Variants in KCNH7 observed in about 807,000 individuals in gnomAD.
KCNH7 encodes the protein potassium voltage-gated channel subfamily H member 7.
KCNH7 carries 49 observed loss-of-function variants against 120.8 expected under a neutral mutation model. The ratio of observed to expected loss-of-function variants is 0.41; its 90% confidence interval spans 0.32 to 0.51. The LOEUF (loss-of-function observed/expected upper bound fraction) is 0.51. Ranked by LOEUF, KCNH7 falls within the 20% of genes least tolerant of loss-of-function variation. KCNH7 has a pLI of 0.38. For synonymous variants in KCNH7, 547 were observed against 516.1 expected, an observed-to-expected ratio of 1.06 and a Z score of -0.81; for missense variants, 1,097 against 1,446.6, an observed-to-expected ratio of 0.76 and a Z score of 3.92.
intron 2 of KCNH7, among the ~76,000 whole-genome samples, chr2:162,803,950 G>GT (rs1684439831): frequency 6.6e-6 from 1 of 151,572 alleles, no homozygotes; most frequent in African/African-American, 2.4e-5. Context: ...GTACTCCAAA[G>GT]TATTTTAAAA....
chr2:162,408,112 A>T lies in KCNH7; in HGVS notation c.2155-7671T>A, dbSNP rs13393999. Among the ~76,000 whole-genome samples the T allele has an allele frequency of 4.2e-3, 633 of 152,164 alleles. 2 individuals carry two copies. The highest frequency in any genetic ancestry group is 0.014 in the African/African-American group (599 of 41,562). On this transcript the variant is annotated intron_variant, in intron 9 of 15. Transcript: ENST00000332142. ...TCCAAACTTACTCCAGGGCTCCTTCAACCATTTTGACTCGCCATTGCTGTC... is the reference window on the plus strand; with the variant it reads ...TCCAAACTTACTCCAGGGCTCCTTCTACCATTTTGACTCGCCATTGCTGTC...
chr2:162,592,386 T>C (rs1349339286), intron 2 of KCNH7, among the ~76,000 whole-genome samples: 1 of 152,040 alleles, frequency 6.6e-6, no homozygotes, highest in Non-Finnish European at 1.5e-5. Context: ...CTAGTAAATA[T>C]AGTTCCCAGA....
Position 162,690,687 on chromosome 2 carries a change from T to C in KCNH7, c.307+145850A>G, listed in dbSNP as rs189224241. 1.0e-3 allele frequency among the ~76,000 whole-genome samples: 157 copies of C among 151,908 alleles called. 1 individual carries two copies. Among genetic ancestry groups the C allele is most frequent in the Non-Finnish European group, 5.9e-5 (4 of 67,992 alleles). ...CTTTCTGCTGGCATCCTGGGACTTT[T>C]CTTTATACAACCCAACAAGGACAAA... is the stretch of plus-strand genomic sequence containing the variant. On this transcript the variant is annotated intron_variant, in intron 2 of 15. Coordinates refer to ENST00000332142, the MANE Select transcript of KCNH7 (RefSeq NM_033272.4).
rs374482300 is a variant in KCNH7, at chr2:162,470,163, C to T, written c.1129-23720G>A. Among the ~76,000 whole-genome samples, 115 of 152,150 alleles carry T rather than the reference C, an allele frequency of 7.6e-4. 3 individuals are homozygous for T. In the South Asian group the frequency reaches 0.016, roughly 21 times the overall value. On this transcript the variant is annotated intron_variant, in intron 6 of 15. Transcript: ENST00000332142. ...GAAGTGAGGAGTGTCTCTGCCTGGCCGCCCATCGTCTGGGATGTGAGGAGC... is the reference window on the plus strand; with the variant it reads ...GAAGTGAGGAGTGTCTCTGCCTGGCTGCCCATCGTCTGGGATGTGAGGAGC...
intron 2 of KCNH7, among the ~76,000 whole-genome samples, chr2:162,652,303 C>T (rs181846032): frequency 5.1e-4 from 78 of 152,152 alleles, no homozygotes; most frequent in African/African-American, 1.7e-3. Context: ...GATAATAATA[C>T]CATTTAGCAA....
intron 2 of KCNH7, among the ~76,000 whole-genome samples, chr2:162,579,404 A>G (rs1370200960): frequency 6.6e-6 from 1 of 152,050 alleles, no homozygotes; most frequent in East Asian, 1.9e-4. Flanking sequence ...ATGGAAGTGT[A>G]TGGAAAGAGC....
intron 2 of KCNH7, among the ~76,000 whole-genome samples, chr2:162,748,019 A>C (rs10168953): frequency 0.24 from 37,013 of 152,080 alleles, 6,852 homozygotes; most frequent in African/African-American, 0.5. Context: ...CTGAGAGCCA[A>C]AGCTAATGGT....
chr2:162,435,351 C>T lies in KCNH7; in HGVS notation c.1801G>A (p.Asp601Asn), dbSNP rs1252320722. Residue 601 changes from aspartate (D) to asparagine (N), a missense_variant, in exon 8 of 16, where the codon GAC (aspartate) becomes AAC (asparagine). Physicochemically the swap from Asp to Asn is conservative, Grantham distance 23 (BLOSUM62 1). Transcript: ENST00000332142. ...GATGGTCCAGAACTTGAGTCACTGT[C>T]ATTGTAACGTTTCCCAATTTGCTGT... The part of the protein sequence containing the change: ...LGQQIGKRYN[D>N]SDSSSGPSIK... The T allele has an allele frequency of 6.2e-7, 1 of 1,613,790 alleles. No homozygotes were observed. Among genetic ancestry groups the T allele is most frequent in the Non-Finnish European group, 8.5e-7 (1 of 1,179,880 alleles).
At chr2:162,773,931 C>T (rs1000413542) in intron 2 of KCNH7, among the ~76,000 whole-genome samples, 1 of 152,130 alleles carries the variant, frequency 6.6e-6, no homozygotes, top group African/African-American at 2.4e-5. Flanking sequence ...CCAATTGTGA[C>T]AATTTATTTT....
chr2:162,753,013 G>C (rs1467713167), intron 2 of KCNH7, among the ~76,000 whole-genome samples: 6 of 147,050 alleles, frequency 4.1e-5, no homozygotes, highest in Non-Finnish European at 6.0e-5. Context: ...GAAAAGAAAA[G>C]AAAAGAAAAG....
intron 2 of KCNH7, among the ~76,000 whole-genome samples, chr2:162,590,895 T>C (rs1574141951): frequency 6.6e-6 from 1 of 152,260 alleles, no homozygotes; most frequent in Non-Finnish European, 1.5e-5. Context: ...CTTCCCAATA[T>C]ACTAAGAATA....
rs749040578 is a variant in KCNH7 at position 162,446,117 on chromosome 2, G to A, written c.1455C>T (p.Pro485=). The part of the protein sequence containing the change: ...VNQNEEVVSD[P]AKIAIHYFKG... Reference sequence around the variant, plus strand: ...TGAAGTAGTGTATTGCTATTTTGGCGGGATCACTTACCACTTCTTCATTCT... The same window carrying A: ...TGAAGTAGTGTATTGCTATTTTGGCAGGATCACTTACCACTTCTTCATTCT... Residue 485 remains proline, a synonymous_variant, in exon 7 of 16, where the codon CCC becomes CCT. Transcript: ENST00000332142. 22 of 1,613,742 alleles carry A rather than the reference G, an allele frequency of 1.4e-5. No homozygotes were observed. The highest frequency in any genetic ancestry group is 6.7e-5 in the Admixed American group (4 of 59,980).
At chr2:162,688,199 G>A (rs537167511) in intron 2 of KCNH7, among the ~76,000 whole-genome samples, 2 of 152,170 alleles carry the variant, frequency 1.3e-5, no homozygotes, top group Admixed American at 1.3e-4. Flanking sequence ...TCATCCTTTA[G>A]CTGTTAAGAA....
chr2:162,486,204 G>A (rs561635483), intron 6 of KCNH7, among the ~76,000 whole-genome samples: 2 of 152,122 alleles, frequency 1.3e-5, no homozygotes, highest in Admixed American at 1.3e-4. Flanking sequence ...CTCTACCTGG[G>A]CCATTAAAGT....
At position 162,394,455 on chromosome 2, in the gene KCNH7, C is replaced by A. The variant is rs1686843305; in HGVS notation, c.2644G>T (p.Asp882Tyr). ...ADLLRSQSMN[D>Y]SEGDNCKLRR... ...AGTTTACAGTTGTCTCCTTCTGAAT[C>A]ATTCATGGATTGTGATCGTAGGAGA... is the stretch of plus-strand genomic sequence containing the variant. Residue 882 changes from aspartate to tyrosine, a missense_variant, in exon 12 of 16, where the codon GAT (aspartate) becomes TAT (tyrosine). Physicochemically the swap from Asp to Tyr is radical, Grantham distance 160. Coordinates refer to ENST00000332142, the MANE Select transcript of KCNH7 (RefSeq NM_033272.4). 1 of 1,606,380 alleles carries A rather than the reference C, an allele frequency of 6.2e-7. No homozygotes were observed. The highest frequency in any genetic ancestry group is 8.5e-7 in the Non-Finnish European group (1 of 1,174,044).
At chr2:162,807,607 G>A (rs1016709232) in intron 2 of KCNH7, among the ~76,000 whole-genome samples, 3 of 152,124 alleles carry the variant, frequency 2.0e-5, no homozygotes, top group Non-Finnish European at 4.4e-5. Flanking sequence ...GTGGAAAAGT[G>A]ATTTTTCAAT....
At chr2:162,482,436 T>C (rs939840796) in intron 6 of KCNH7, among the ~76,000 whole-genome samples, 3 of 152,134 alleles carry the variant, frequency 2.0e-5, no homozygotes, top group African/African-American at 7.2e-5. Flanking sequence ...TTCTGTGGTG[T>C]GTGTGTGTGT....
At chr2:162,390,382 C>A (rs1453061821) in intron 12 of KCNH7, among the ~76,000 whole-genome samples, 1 of 151,448 alleles carries the variant, frequency 6.6e-6, no homozygotes, top group Non-Finnish European at 1.5e-5. Context: ...ATACAGTGAA[C>A]ACAACATAAA....
At chr2:162,569,350 G>A in intron 2 of KCNH7, among the ~76,000 whole-genome samples, 1 of 151,514 alleles carries the variant, frequency 6.6e-6, no homozygotes, top group South Asian at 2.1e-4. Context: ...ATGGTAGTTT[G>A]TATTTCTGTG....
Sources: gnomAD v4.1 joint callset for allele counts (sites outside exome capture counted in the v4.1 genomes callset) on GRCh38, gnomAD v4.1.1 for gene constraint, MANE v1.5 for transcripts, NCBI Gene and HGNC (gene_info 2026-07-23, HGNC 2026-07-21) for gene names.